Variants in GRM7 observed in about 807,000 individuals in gnomAD.
GRM7 encodes the protein glutamate metabotropic receptor 7.
GRM7 carries 35 observed loss-of-function variants against 84.5 expected under a neutral mutation model. The observed-to-expected ratio is 0.41, with a 90% CI of 0.32 to 0.55. GRM7 has a LOEUF of 0.55. GRM7 is among the 20% of genes least tolerant of loss of function. GRM7 has a pLI of 0.19. For missense variants in GRM7, 1,003 were observed against 1,194.6 expected (o/e 0.84, Z 2.36); for synonymous variants, 487 against 455.1 (o/e 1.07, Z -0.89).
intron 4 of GRM7, among the ~76,000 whole-genome samples, chr3:7,363,046 C>A (rs898031277): frequency 1.3e-5 from 2 of 152,032 alleles, no homozygotes; most frequent in African/African-American, 4.8e-5. Context: ...CTCTTGAGCC[C>A]AGACATTTGA....
At chr3:7,532,508 T>C (rs1270714832) in intron 7 of GRM7, among the ~76,000 whole-genome samples, 1 of 152,092 alleles carries the variant, frequency 6.6e-6, no homozygotes, top group Non-Finnish European at 1.5e-5. Context: ...GATTCTTCTC[T>C]CTTTTCTTCT....
intron 1 of GRM7, among the ~76,000 whole-genome samples, chr3:6,903,332 T>A (rs925619690): frequency 1.3e-5 from 2 of 152,090 alleles, no homozygotes; most frequent in Non-Finnish European, 2.9e-5. Flanking sequence ...TATTTATTTG[T>A]ATGGATTTTT....
chr3:7,418,835 C>G (rs1696279399), intron 5 of GRM7, among the ~76,000 whole-genome samples: 2 of 152,218 alleles, frequency 1.3e-5, no homozygotes, highest in South Asian at 4.1e-4. Flanking sequence ...ATCTAAGCTT[C>G]TGTTCTAAGG....
chr3:7,386,334 G>T (rs1002238928), intron 4 of GRM7, among the ~76,000 whole-genome samples: 1 of 151,986 alleles, frequency 6.6e-6, no homozygotes, highest in African/African-American at 2.4e-5. Flanking sequence ...GGTATATTAC[G>T]TGATGCTTAG....
At chr3:7,460,237 T>C (rs996457407) in intron 6 of GRM7, among the ~76,000 whole-genome samples, 14 of 151,936 alleles carry the variant, frequency 9.2e-5, no homozygotes, top group Non-Finnish European at 1.3e-4. Flanking sequence ...ATGGTAATGA[T>C]TTTTTATAGT....
chr3:7,590,421 C>T (rs1212319357), intron 8 of GRM7, among the ~76,000 whole-genome samples: 5 of 148,220 alleles, frequency 3.4e-5, no homozygotes, highest in Admixed American at 1.4e-4. Context: ...CCTATGGTTG[C>T]TTTTATTGCT....
intron 1 of GRM7, among the ~76,000 whole-genome samples, chr3:7,061,566 A>G (rs995290701): frequency 6.6e-6 from 1 of 151,742 alleles, no homozygotes; most frequent in Non-Finnish European, 1.5e-5. Flanking sequence ...ACATTTATAT[A>G]TTACCCTTTC....
In GRM7 at chr3:7,172,521, G is replaced by A. The variant is rs184527192; in HGVS notation, c.736+25853G>A. ...AGAGCTCACCAACCCCAGGACATCCGTGAAAGACCATATGTAGTCTTCCCC... is the reference window on the plus strand; with the variant it reads ...AGAGCTCACCAACCCCAGGACATCCATGAAAGACCATATGTAGTCTTCCCC... On this transcript the variant is annotated intron_variant, in intron 2 of 9. Coordinates refer to ENST00000357716, the MANE Select transcript of GRM7 (RefSeq NM_000844.4). Among the ~76,000 whole-genome samples the A allele has an allele frequency of 2.3e-3, 354 of 151,106 alleles. 1 individual carries two copies. Among genetic ancestry groups the A allele is most frequent in the Admixed American group, 0.021 (312 of 15,148 alleles).
At chr3:7,240,996 C>T (rs1242418234) in intron 2 of GRM7, among the ~76,000 whole-genome samples, 4 of 152,208 alleles carry the variant, frequency 2.6e-5, no homozygotes, top group African/African-American at 9.6e-5. Flanking sequence ...ATGTAATAGA[C>T]GATGCCATCT....
intron 4 of GRM7, among the ~76,000 whole-genome samples, chr3:7,377,481 A>G (rs1174923315): frequency 6.6e-6 from 1 of 152,224 alleles, no homozygotes. Context: ...TGCTTACGGG[A>G]TATCAGTGAT....
intron 1 of GRM7, among the ~76,000 whole-genome samples, chr3:6,921,907 C>G (rs1697138789): frequency 6.6e-6 from 1 of 152,186 alleles, no homozygotes; most frequent in South Asian, 2.1e-4. Context: ...GACCGAGATG[C>G]TGGGACTGAC....
chr3:7,039,059 T>C (rs1696494206), intron 1 of GRM7, among the ~76,000 whole-genome samples: 1 of 152,166 alleles, frequency 6.6e-6, no homozygotes, highest in African/African-American at 2.4e-5. Context: ...TCCTGATGCA[T>C]GGTCAAGTTT....
At chr3:7,685,756 C>T (rs1422616355) in intron 9 of GRM7, among the ~76,000 whole-genome samples, 2 of 149,656 alleles carry the variant, frequency 1.3e-5, no homozygotes, top group African/African-American at 4.9e-5. Flanking sequence ...GTTACATAAA[C>T]TAGGACTGTC....
intron 1 of GRM7, among the ~76,000 whole-genome samples, chr3:7,007,861 G>A (rs1366093266): frequency 6.6e-6 from 1 of 152,096 alleles, no homozygotes; most frequent in Non-Finnish European, 1.5e-5. Flanking sequence ...TTTCAGTACT[G>A]GGAAATAGGC....
intron 7 of GRM7, among the ~76,000 whole-genome samples, chr3:7,508,414 T>G (rs576409518): frequency 6.6e-6 from 1 of 152,104 alleles, no homozygotes; most frequent in Non-Finnish European, 1.5e-5. Context: ...CAAAAATAAT[T>G]TTTTGTCAAT....
intron 1 of GRM7, among the ~76,000 whole-genome samples, chr3:6,995,976 T>C (rs1406600782): frequency 3.3e-5 from 5 of 152,208 alleles, no homozygotes; most frequent in African/African-American, 1.2e-4. Flanking sequence ...GTTGCATAGG[T>C]ATGCTCACTT....
chr3:7,345,173 A>C (rs777014480), intron 4 of GRM7, among the ~76,000 whole-genome samples: 15 of 152,216 alleles, frequency 9.9e-5, no homozygotes, highest in Non-Finnish European at 7.4e-5. Context: ...TTTCCATTAT[A>C]AATATCCTGG....
intron 4 of GRM7, among the ~76,000 whole-genome samples, chr3:7,310,147 G>T (rs140859845): frequency 2.0e-5 from 3 of 152,136 alleles, no homozygotes; most frequent in South Asian, 4.1e-4. Flanking sequence ...GCCAACAAGG[G>T]TCATGGACCA....
intron 1 of GRM7, among the ~76,000 whole-genome samples, chr3:7,086,418 CTTAG>C (rs1698460831): frequency 1.3e-5 from 2 of 152,090 alleles, no homozygotes; most frequent in Non-Finnish European, 1.5e-5. Context: ...GTCAGTCAAG[CTTAG>C]TTAAATTTGA....
Sources: allele counts gnomAD v4.1 joint callset (sites outside exome capture counted in the v4.1 genomes callset), GRCh38; gene constraint gnomAD v4.1.1; transcripts MANE v1.5; gene names NCBI Gene and HGNC (gene_info 2026-07-23, HGNC 2026-07-21).